The following SYT11 variants were observed in gnomAD, a reference collection of about 807,000 sequenced individuals.
SYT11 encodes the protein synaptotagmin 11, also known as synaptotagmin-11.
Under a neutral mutation model 30.4 loss-of-function variants are expected in SYT11, and 12 were observed. That is an observed-to-expected ratio of 0.39 (90% confidence interval 0.25 to 0.64). The LOEUF is 0.64. SYT11 is among the 30% of genes least tolerant of loss of function. The pLI is 0.45. For synonymous variants in SYT11, 204 were observed against 216.0 expected, an observed-to-expected ratio of 0.94 and a Z score of 0.49; for missense variants, 412 against 552.0, an observed-to-expected ratio of 0.75 and a Z score of 2.54.
At chr1:155,880,085 A>G (rs1672937087) in intron 2 of SYT11, among the ~76,000 whole-genome samples, 1 of 152,126 alleles carries the variant, frequency 6.6e-6, no homozygotes, top group South Asian at 2.1e-4. Flanking sequence ...CTAGCTACTC[A>G]GGAGGCTGAG....
At chr1:155,875,662 A>G (rs760187896) in intron 2 of SYT11, among the ~76,000 whole-genome samples, 87 of 152,264 alleles carry the variant, frequency 5.7e-4, no homozygotes, top group Admixed American at 3.3e-3. Flanking sequence ...CTCGGCCTCC[A>G]AAGTGTTAGC....
rs1347046399 is a variant in SYT11, at chr1:155,868,008, G to A, written c.78G>A (p.Leu26=). Reference sequence around the variant, plus strand: ...CCGGCCTCATCGGGGCCTCTGTGCTGGTGGTGTGTGTCTCGGTGACCGTCT... The same window carrying A: ...CCGGCCTCATCGGGGCCTCTGTGCTAGTGGTGTGTGTCTCGGTGACCGTCT... The part of the protein sequence containing the change: ...VVAGLIGASV[L]VVCVSVTVFV... Residue 26 remains leucine (L), a synonymous_variant, in exon 2 of 4, where the codon CTG becomes CTA. Coordinates refer to ENST00000368324, the MANE Select transcript of SYT11 (RefSeq NM_152280.5). The surrounding 1 kb of genome is among the most constrained non-coding windows in gnomAD (Gnocchi z 4.7). 6.8e-6 allele frequency: 11 copies of A among 1,612,920 alleles called. No homozygotes were observed. Among genetic ancestry groups the A allele is most frequent in the Non-Finnish European group, 9.3e-6 (11 of 1,179,798 alleles).
intron 2 of SYT11, among the ~76,000 whole-genome samples, chr1:155,872,368 A>G (rs1447657359): frequency 6.6e-6 from 1 of 152,248 alleles, no homozygotes; most frequent in Non-Finnish European, 1.5e-5. Flanking sequence ...TATTGAGCTT[A>G]TGATGGTCCA....
intron 2 of SYT11, among the ~76,000 whole-genome samples, chr1:155,877,838 G>A (rs888797571): frequency 1.3e-5 from 2 of 152,186 alleles, no homozygotes; most frequent in African/African-American, 2.4e-5. Flanking sequence ...TTACAGGCAT[G>A]AGCCACTGCT....
At chr1:155,872,676 C>T (rs562142971) in intron 2 of SYT11, among the ~76,000 whole-genome samples, 63 of 152,302 alleles carry the variant, frequency 4.1e-4, no homozygotes, top group African/African-American at 1.4e-3. Flanking sequence ...TGCTCACAGC[C>T]TTCAATGGCT....
At chr1:155,865,200 A>T (rs1262537712) in intron 1 of SYT11, among the ~76,000 whole-genome samples, 1 of 152,216 alleles carries the variant, frequency 6.6e-6, no homozygotes, top group East Asian at 1.9e-4. Flanking sequence ...CAGGATAATA[A>T]GCTCCATGAA....
intron 2 of SYT11, among the ~76,000 whole-genome samples, chr1:155,878,427 C>T (rs1045034138): frequency 3.3e-5 from 5 of 152,188 alleles, no homozygotes; most frequent in African/African-American, 1.2e-4. Flanking sequence ...CAACCATTCT[C>T]TGAACACAGC....
intron 1 of SYT11, among the ~76,000 whole-genome samples, chr1:155,865,769 C>T (rs1183740091): frequency 6.6e-6 from 1 of 151,940 alleles, no homozygotes; most frequent in Non-Finnish European, 1.5e-5. Flanking sequence ...CCTCCACCTC[C>T]TGGGCTCAAG....
intron 2 of SYT11, among the ~76,000 whole-genome samples, chr1:155,869,877 G>A (rs1282645298): frequency 6.6e-6 from 1 of 152,116 alleles, no homozygotes; most frequent in Non-Finnish European, 1.5e-5. Context: ...AAACACTTGG[G>A]CTCCAGAATT....
chr1:155,881,385 G>A lies in SYT11; in HGVS notation c.1173G>A (p.Glu391=), dbSNP rs761779591. Residue 391 remains glutamate, a synonymous_variant, in exon 4 of 4, where the codon GAG becomes GAA. Coordinates refer to ENST00000368324, the MANE Select transcript of SYT11 (RefSeq NM_152280.5). ...VIDFDRTTKN[E]VVGRLILGAH... The stretch of plus-strand genomic sequence containing the variant: ...ACTTCGATCGCACCACCAAGAATGA[G>A]GTGGTGGGGAGGCTGATCCTGGGGG... 3 of 1,614,142 alleles carry A rather than the reference G, an allele frequency of 1.9e-6. No homozygotes were observed. Among genetic ancestry groups the A allele is most frequent in the East Asian group, 2.2e-5 (1 of 44,888 alleles).
rs759698357 is a variant in SYT11 at position 155,864,619 on chromosome 1, C to T, written c.35-3346C>T. On this transcript the variant is annotated intron_variant, in intron 1 of 3. Transcript: ENST00000368324. The stretch of plus-strand genomic sequence containing the variant: ...AATTCCTAAGTCATTTTTGACTCAT[C>T]AAGTGAGGTTATTGACTATAAATAG... Among the ~76,000 whole-genome samples the T allele has an allele frequency of 4.6e-5, 7 of 151,784 alleles. No individual in the cohort carries two copies. In the East Asian group the frequency reaches 1.4e-3, roughly 29 times the overall value.
intron 1 of SYT11, among the ~76,000 whole-genome samples, chr1:155,863,964 C>T (rs1014759898): frequency 3.3e-5 from 5 of 152,216 alleles, no homozygotes; most frequent in Admixed American, 2.6e-4. Context: ...GCCTGTAGTC[C>T]TAGTTCCTCA....
chr1:155,878,135 TG>T (rs1027159709), intron 2 of SYT11, among the ~76,000 whole-genome samples: 1 of 151,774 alleles, frequency 6.6e-6, no homozygotes, highest in African/African-American at 2.4e-5. Context: ...CCCAGCTACC[TG>T]GGATGCTGAG....
chr1:155,868,084 C>T lies in SYT11; in HGVS notation c.154C>T (p.Pro52Ser). 1 of 1,614,034 alleles carries T rather than the reference C, an allele frequency of 6.2e-7. No homozygotes were observed. Among genetic ancestry groups the T allele is most frequent in the Non-Finnish European group, 8.5e-7 (1 of 1,180,004 alleles). ...GGCAGAGAAGAAGCAGAAGAACCCA[C>T]CATACAAGTTTATTCACATGCTCAA... ...QQAEKKQKNP[P>S]YKFIHMLKGI... Residue 52 changes from proline to serine, a missense_variant, in exon 2 of 4, where the codon CCA (proline) becomes TCA (serine). Transcript: ENST00000368324. The surrounding 1 kb of genome is among the most constrained non-coding windows in gnomAD (Gnocchi z 4.7).
At chr1:155,878,944 C>T (rs1280257931) in intron 2 of SYT11, among the ~76,000 whole-genome samples, 1 of 151,988 alleles carries the variant, frequency 6.6e-6, no homozygotes, top group East Asian at 1.9e-4. Context: ...AATCTCCCAG[C>T]TCTAGGTGCC....
At chr1:155,871,028 C>G (rs994524798) in intron 2 of SYT11, among the ~76,000 whole-genome samples, 1 of 152,172 alleles carries the variant, frequency 6.6e-6, no homozygotes, top group African/African-American at 2.4e-5. Context: ...AATACAAGGG[C>G]TCCTTGGCTA....
intron 2 of SYT11, among the ~76,000 whole-genome samples, chr1:155,878,723 C>T (rs1411340668): frequency 6.6e-6 from 1 of 151,784 alleles, no homozygotes; most frequent in African/African-American, 2.4e-5. Flanking sequence ...AAAAATTAGC[C>T]GGGCGTGGTG....
rs1015152114 is a variant in SYT11, at chr1:155,884,024, T to C, written c.*2516T>C. ...CTGTATCATAAGTAGAAGAAAATAA[T>C]TTTTGTTTTCTAAAAATGCATTTTG... On this transcript the variant is annotated 3_prime_UTR_variant, in exon 4 of 4. Transcript: ENST00000368324. 3 of 152,612 alleles carry C rather than the reference T, an allele frequency of 2.0e-5. No homozygotes were observed. The highest frequency in any genetic ancestry group is 4.4e-5 in the Non-Finnish European group (3 of 68,024). The allele number at this position is 152,612 out of a possible 1,614,324, so 9.5% of individuals were successfully genotyped here. A position where few individuals can be genotyped will look rare whatever the true frequency, so the allele number is the denominator to read the frequency against.
intron 2 of SYT11, among the ~76,000 whole-genome samples, chr1:155,878,603 C>A (rs375664265): frequency 6.6e-6 from 1 of 152,156 alleles, no homozygotes; most frequent in Non-Finnish European, 1.5e-5. Flanking sequence ...CGGTGGCTCA[C>A]GCCTGTAATC....
Sources: gnomAD v4.1 joint callset for allele counts (sites outside exome capture counted in the v4.1 genomes callset) on GRCh38, gnomAD v4.1.1 for gene constraint, Gnocchi (gnomAD v3.1) non-coding constraint, MANE v1.5 for transcripts, NCBI Gene and HGNC (gene_info 2026-07-23, HGNC 2026-07-21) for gene names.